EPB41L1: variants seen among roughly 807,000 people sequenced by gnomAD.
EPB41L1 encodes the protein band 4.1-like protein 1.
EPB41L1 carries 29 observed loss-of-function variants against 97.8 expected under a neutral mutation model. That is an observed-to-expected ratio of 0.30 (90% CI 0.22 to 0.40). The LOEUF (loss-of-function observed/expected upper bound fraction) is 0.40. Among genes scored for constraint, EPB41L1 ranks in the 10% least tolerant of loss-of-function variants. EPB41L1 has a pLI of 1.00. For missense variants in EPB41L1, 812 were observed against 1,162.3 expected (o/e 0.70, Z 4.38); for synonymous variants, 383 against 459.2 (o/e 0.83, Z 2.12).
intron 19 of EPB41L1, 51 bp from the exon 20 acceptor site, chr20:36,221,813 T>A: frequency 3.2e-6 from 5 of 1,546,638 alleles, no homozygotes; most frequent in Non-Finnish European, 4.5e-6. Context: ...CTCTTGAGGC[T>A]GCTGCCCCAA....
Position 36,229,532 on chromosome 20 carries a change from C to G in EPB41L1, c.*192C>G, listed in dbSNP as rs954080691. 1.7e-5 allele frequency: 9 copies of G among 531,310 alleles called. No homozygotes were observed. In the African/African-American group the frequency reaches 1.7e-4, roughly 10 times the overall value. The allele number at this position is 531,310 out of a possible 1,614,324, so 32.9% of individuals were successfully genotyped here. Reference sequence around the variant, plus strand: ...GATATAGATATATATACAGGAAACACCGCATCCTTGCACTGCTGCTGGGGC... The same window carrying G: ...GATATAGATATATATACAGGAAACAGCGCATCCTTGCACTGCTGCTGGGGC... On this transcript the variant is annotated 3_prime_UTR_variant, in exon 22 of 22. Coordinates refer to ENST00000338074, the MANE Select transcript of EPB41L1 (RefSeq NM_012156.2).
chr20:36,193,083 G>T (rs138554900), intron 11 of EPB41L1, among the ~76,000 whole-genome samples: 2 of 152,184 alleles, frequency 1.3e-5, no homozygotes, highest in African/African-American at 4.8e-5. Context: ...AAAGGGAAAG[G>T]TCCCTCCCCT....
chr20:36,207,475 G>T lies in EPB41L1; in HGVS notation c.1669-2013G>T. ...CAAAATTCGGATATTTGAGACCCAC[G>T]GAGCTGAAACTCGCCGAATGAGTGA... On this transcript the variant is annotated intron_variant, in intron 14 of 21. Coordinates refer to ENST00000338074, the MANE Select transcript of EPB41L1 (RefSeq NM_012156.2). The surrounding 1 kb of genome is among the most constrained non-coding windows in gnomAD (Gnocchi z 4.9). 1 of 1,289,804 alleles carries T rather than the reference G, an allele frequency of 7.8e-7. No homozygotes were observed. The allele number at this position is 1,289,804 out of a possible 1,614,324, so 79.9% of individuals were successfully genotyped here.
chr20:36,126,363 ATTTTT>A (rs1208994726), intron 2 of EPB41L1, among the ~76,000 whole-genome samples: 1 of 135,254 alleles, frequency 7.4e-6, no homozygotes. Flanking sequence ...AGTTAGTGGA[ATTTTT>A]TTTTTTTTTT....
At chr20:36,103,178 T>C (rs904876876) in intron 1 of EPB41L1, among the ~76,000 whole-genome samples, 8 of 152,220 alleles carry the variant, frequency 5.3e-5, no homozygotes, top group African/African-American at 1.9e-4. Flanking sequence ...TTCTTTTTGG[T>C]CTTAGCTTTA....
chr20:36,208,954 AC>A (rs1279311292), intron 14 of EPB41L1, among the ~76,000 whole-genome samples: 1 of 151,336 alleles, frequency 6.6e-6, no homozygotes. Flanking sequence ...GTCGATGCTG[AC>A]CCCTCCCCCG....
intron 1 of EPB41L1, among the ~76,000 whole-genome samples, chr20:36,105,802 GCTGGT>G (rs2058171122): frequency 1.3e-5 from 2 of 152,136 alleles, no homozygotes; most frequent in Admixed American, 6.5e-5. Flanking sequence ...AAACCTAATA[GCTGGT>G]GAGAGTTTCA....
intron 18 of EPB41L1, 123 bp from the exon 19 acceptor site, chr20:36,219,638 C>G: frequency 1.3e-6 from 1 of 791,706 alleles, no homozygotes; most frequent in Non-Finnish European, 2.2e-6. Context: ...TTCTTAATGG[C>G]TGAAAGCATC....
chr20:36,106,190 C>T (rs2058186718), intron 1 of EPB41L1, among the ~76,000 whole-genome samples: 1 of 152,228 alleles, frequency 6.6e-6, no homozygotes, highest in Non-Finnish European at 1.5e-5. Flanking sequence ...CCACAGTGGC[C>T]TAAGCCCTGC....
upstream of EPB41L1, chr20:36,151,927 C>G (rs549285666): frequency 6.6e-6 from 1 of 152,092 alleles, no homozygotes; most frequent in Admixed American, 6.5e-5. Context: ...TGGTGAAACC[C>G]CATCTCTACT....
At chr20:36,217,822 C>T (rs997647372) in intron 17 of EPB41L1, among the ~76,000 whole-genome samples, 5 of 152,070 alleles carry the variant, frequency 3.3e-5, no homozygotes, top group Admixed American at 6.6e-5. Flanking sequence ...GGAAAGTCAG[C>T]GAGTTTCTTT....
chr20:36,175,914 A>G lies in EPB41L1; in HGVS notation c.342+199A>G, dbSNP rs531650721. On this transcript the variant is annotated intron_variant, in intron 3 of 21. Coordinates refer to ENST00000338074, the MANE Select transcript of EPB41L1 (RefSeq NM_012156.2). ...CTGGAGAGAGTGGTTATGATTGCAA[A>G]TAGAATTAGACGAGGTACAGGGCTG... is the stretch of plus-strand genomic sequence containing the variant. Among the ~76,000 whole-genome samples, 33 of 152,272 alleles carry G rather than the reference A, an allele frequency of 2.2e-4. No homozygotes were observed. In the South Asian group the frequency reaches 5.6e-3, roughly 26 times the overall value.
chr20:36,158,822 C>G (rs941506626), intron 1 of EPB41L1, among the ~76,000 whole-genome samples: 1 of 152,200 alleles, frequency 6.6e-6, no homozygotes, highest in African/African-American at 2.4e-5. Flanking sequence ...ACTCAGTAAA[C>G]ATTACTTCTC....
intron 1 of EPB41L1, among the ~76,000 whole-genome samples, chr20:36,110,116 T>C (rs1190064349): frequency 6.6e-6 from 1 of 152,058 alleles, no homozygotes; most frequent in Non-Finnish European, 1.5e-5. Flanking sequence ...TAATTTTATA[T>C]TTTTAGTAGA....
intron 15 of EPB41L1, 115 bp downstream of exon 15, chr20:36,210,013 G>A: frequency 7.8e-7 from 1 of 1,283,528 alleles, no homozygotes; most frequent in Non-Finnish European, 1.1e-6. Flanking sequence ...TCTGTCTCGT[G>A]TTGCATGACT....
At position 36,133,100 on chromosome 20, in the gene EPB41L1, T is replaced by C. The variant is rs528893181; in HGVS notation, c.-10+20620T>C. ...TCCCATAATTACTTTATTATGTAGC[T>C]GGTGAGAGGGCCCGAGCTGTGCCTT... On this transcript the variant is annotated intron_variant, in intron 2 of 19. Transcript: ENST00000202028. Among the ~76,000 whole-genome samples the C allele has an allele frequency of 2.6e-5, 4 of 152,370 alleles. No homozygotes were observed. In the South Asian group the frequency reaches 6.2e-4, roughly 24 times the overall value.
chr20:36,125,934 G>A (rs1345570197), intron 2 of EPB41L1, among the ~76,000 whole-genome samples: 3 of 152,082 alleles, frequency 2.0e-5, no homozygotes, highest in East Asian at 1.9e-4. Flanking sequence ...GACAGAGAAC[G>A]GACAGTGTGG....
intron 2 of EPB41L1, among the ~76,000 whole-genome samples, chr20:36,125,114 G>A (rs1354370683): frequency 6.6e-6 from 1 of 152,154 alleles, no homozygotes; most frequent in Non-Finnish European, 1.5e-5. Context: ...GCGTACTCAA[G>A]GGGCTGTGCT....
rs1600810575 is a variant in EPB41L1, at chr20:36,185,398, C to T, written c.785+63C>T. On this transcript the variant is annotated intron_variant, in intron 7 of 21. Transcript: ENST00000338074. ...GGCCAGTGGGAGCCTTCCTTGCAGG[C>T]CTGAATGTCCTAGGCCGCCACATAC... 3.4e-6 allele frequency: 5 copies of T among 1,480,374 alleles called. No individual in the cohort carries two copies. The South Asian group carries it at 4.7e-5, about 14-fold the overall frequency. 91.7% of individuals were successfully genotyped at this position (1,480,374 alleles called of 1,614,324 possible).
Sources: gnomAD v4.1 joint callset for allele counts (sites outside exome capture counted in the v4.1 genomes callset) on GRCh38, gnomAD v4.1.1 for gene constraint, Gnocchi (gnomAD v3.1) non-coding constraint, MANE v1.5 for transcripts, NCBI Gene and HGNC (gene_info 2026-07-23, HGNC 2026-07-21) for gene names.